UBE2E2: variants seen among roughly 807,000 people sequenced by gnomAD.
The protein encoded by UBE2E2 is ubiquitin-conjugating enzyme E2 E2.
UBE2E2 carries 6 observed loss-of-function variants against 24.7 expected under a neutral mutation model. That is an observed-to-expected ratio of 0.24 (90% CI 0.13 to 0.48). The LOEUF (loss-of-function observed/expected upper bound fraction) is 0.48, where lower values mean the gene tolerates loss of function less well. UBE2E2 is among the 20% of genes least tolerant of loss of function. The pLI is 0.99. For synonymous variants in UBE2E2, 104 were observed against 83.6 expected, an observed-to-expected ratio of 1.24 and a Z score of -1.33; for missense variants, 169 against 245.0, an observed-to-expected ratio of 0.69 and a Z score of 2.07.
At chr3:23,441,676 T>G (rs1698308684) in intron 3 of UBE2E2, among the ~76,000 whole-genome samples, 1 of 152,208 alleles carries the variant, frequency 6.6e-6, no homozygotes, top group African/African-American at 2.4e-5. Flanking sequence ...CCTCTAGCAC[T>G]GCTGACAGGT....
At chr3:23,271,348 G>C (rs145131009) in intron 3 of UBE2E2, among the ~76,000 whole-genome samples, 4 of 152,320 alleles carry the variant, frequency 2.6e-5, no homozygotes, top group African/African-American at 9.6e-5. Context: ...TGAAGCTACA[G>C]ACCTTCACGG....
intron 3 of UBE2E2, among the ~76,000 whole-genome samples, chr3:23,490,834 A>G (rs957863461): frequency 1.8e-4 from 27 of 152,348 alleles, no homozygotes; most frequent in Admixed American, 3.3e-4. Flanking sequence ...GTAGGTAACA[A>G]TAGTGACTTT....
intron 3 of UBE2E2, among the ~76,000 whole-genome samples, chr3:23,488,432 A>G (rs888137733): frequency 3.3e-5 from 5 of 151,822 alleles, no homozygotes; most frequent in African/African-American, 1.2e-4. Flanking sequence ...TCATCGTTCA[A>G]CTCCCACTTA....
intron 3 of UBE2E2, among the ~76,000 whole-genome samples, chr3:23,493,939 G>A (rs1266430574): frequency 6.6e-6 from 1 of 152,130 alleles, no homozygotes; most frequent in Non-Finnish European, 1.5e-5. Context: ...AGTTCTGTGA[G>A]TACAGTTCTA....
At chr3:23,499,820 C>A (rs1000192661) in intron 4 of UBE2E2, 80 bp downstream of exon 4, 49 of 1,476,708 alleles carry the variant, frequency 3.3e-5, no homozygotes, top group Non-Finnish European at 4.2e-5. Context: ...AATATGCATT[C>A]TAGGGATGCA....
intron 3 of UBE2E2, among the ~76,000 whole-genome samples, chr3:23,487,665 G>C (rs1258075901): frequency 6.6e-6 from 1 of 152,168 alleles, no homozygotes; most frequent in African/African-American, 2.4e-5. Flanking sequence ...ATGGACAACT[G>C]TAACATTAAG....
chr3:23,241,924 A>C (rs1359644239), intron 3 of UBE2E2, among the ~76,000 whole-genome samples: 1 of 152,018 alleles, frequency 6.6e-6, no homozygotes, highest in Admixed American at 6.6e-5. Context: ...TTCTTGTCTT[A>C]ATATAGAGAC....
intron 3 of UBE2E2, among the ~76,000 whole-genome samples, chr3:23,355,592 CA>C (rs1695920958): frequency 6.6e-6 from 1 of 152,066 alleles, no homozygotes; most frequent in Admixed American, 6.6e-5. Flanking sequence ...TAACTAGAAA[CA>C]AGTTTAGAAA....
intron 3 of UBE2E2, among the ~76,000 whole-genome samples, chr3:23,332,047 T>G (rs1418112224): frequency 1.3e-5 from 2 of 152,318 alleles, no homozygotes; most frequent in Non-Finnish European, 2.9e-5. Flanking sequence ...AATAATTGAT[T>G]TAAAAAATTT....
Position 23,246,222 on chromosome 3 carries a change from A to ATTTTTTTTTTTTTTTTTTTTT in UBE2E2, c.227+28925_227+28926insTTTTTTTTTTTTTTTTTTTTT, listed in dbSNP as rs398051684. On this transcript the variant is annotated intron_variant, in intron 3 of 5. Coordinates refer to ENST00000396703, the MANE Select transcript of UBE2E2 (RefSeq NM_152653.4). ...AGGTGTATGCCACCATGCGTGGCTA[A>ATTTTTTTTTTTTTTTTTTTTT]TTTTTTTTTTTTTTTCGAGATGGAG... Among the ~76,000 whole-genome samples the ATTTTTTTTTTTTTTTTTTTTT allele has an allele frequency of 2.9e-5, 3 of 102,210 alleles. 1 individual carries two copies. 67.1% of individuals were successfully genotyped at this position (102,210 alleles called of 152,430 possible).
chr3:23,260,983 G>T (rs551417179), intron 3 of UBE2E2, among the ~76,000 whole-genome samples: 4 of 152,196 alleles, frequency 2.6e-5, no homozygotes, highest in African/African-American at 9.6e-5. Flanking sequence ...TGTGCCTGTA[G>T]TCTCAGCTAC....
At chr3:23,548,173 GAGAA>G (rs1304390867) in intron 5 of UBE2E2, among the ~76,000 whole-genome samples, 4 of 152,078 alleles carry the variant, frequency 2.6e-5, no homozygotes, top group Non-Finnish European at 5.9e-5. Context: ...AAGCAACTAA[GAGAA>G]AGAAAATGAA....
intron 3 of UBE2E2, among the ~76,000 whole-genome samples, chr3:23,363,440 A>G (rs975632440): frequency 7.9e-5 from 12 of 152,206 alleles, no homozygotes; most frequent in African/African-American, 2.9e-4. Context: ...CTATAAGTAA[A>G]GGGATGGAGA....
intron 3 of UBE2E2, among the ~76,000 whole-genome samples, chr3:23,221,497 A>G (rs1299209344): frequency 6.6e-6 from 1 of 151,972 alleles, no homozygotes; most frequent in East Asian, 1.9e-4. Context: ...CAATTAGTCT[A>G]CTTTCTGTTT....
chr3:23,271,507 C>T (rs888951413), intron 3 of UBE2E2, among the ~76,000 whole-genome samples: 2 of 152,182 alleles, frequency 1.3e-5, no homozygotes, highest in South Asian at 2.1e-4. Context: ...TGCTTTTATT[C>T]CCTTATCTGA....
At chr3:23,337,476 G>C (rs1874235) in intron 3 of UBE2E2, among the ~76,000 whole-genome samples, 68,664 of 151,980 alleles carry the variant, frequency 0.45, 15,870 homozygotes, top group Admixed American at 0.56. Context: ...AGGCCTACTT[G>C]ATGAATTACA....
At chr3:23,445,067 A>AT (rs771950120) in intron 3 of UBE2E2, among the ~76,000 whole-genome samples, 17 of 152,294 alleles carry the variant, frequency 1.1e-4, no homozygotes, top group Non-Finnish European at 2.1e-4. Context: ...ATGATGTCAT[A>AT]TTGAGTGGTT....
intron 3 of UBE2E2, among the ~76,000 whole-genome samples, chr3:23,318,133 G>A (rs1030305357): frequency 4.0e-5 from 6 of 151,734 alleles, no homozygotes; most frequent in African/African-American, 7.3e-5. Context: ...TTTTAAAAAG[G>A]TATTTATTTA....
intron 4 of UBE2E2, among the ~76,000 whole-genome samples, chr3:23,508,218 A>G (rs1021542510): frequency 1.3e-5 from 2 of 152,200 alleles, no homozygotes; most frequent in Non-Finnish European, 2.9e-5. Flanking sequence ...AAATGGTGTC[A>G]TTGTCTTTGT....
Sources: allele counts gnomAD v4.1 joint callset (sites outside exome capture counted in the v4.1 genomes callset), GRCh38; gene constraint gnomAD v4.1.1; transcripts MANE v1.5; gene names NCBI Gene and HGNC (gene_info 2026-07-23, HGNC 2026-07-21).